Variants in NETO1 observed in about 807,000 individuals in gnomAD.
NETO1 encodes the protein neuropilin and tolloid-like protein 1.
Under a neutral mutation model 61.3 loss-of-function variants are expected in NETO1, and 26 were observed. The observed-to-expected ratio is 0.42, with a 90% CI of 0.31 to 0.59. The LOEUF (loss-of-function observed/expected upper bound fraction) is 0.59, where lower values mean the gene tolerates loss of function less well. Among genes scored for constraint, NETO1 ranks in the 20% least tolerant of loss-of-function variants. The pLI is 0.12. For missense variants in NETO1, 531 were observed against 662.8 expected, an observed-to-expected ratio of 0.80 and a Z score of 2.18; for synonymous variants, 225 against 225.8, an observed-to-expected ratio of 1.00 and a Z score of 0.03.
At chr18:72,798,862 T>C (rs1402226416) in intron 4 of NETO1, among the ~76,000 whole-genome samples, 1 of 152,200 alleles carries the variant, frequency 6.6e-6, no homozygotes, top group Non-Finnish European at 1.5e-5. Context: ...ATAGTTCACA[T>C]TCTCCAAGAC....
At position 72,747,312 on chromosome 18, in the gene NETO1, A is replaced by G. The variant is rs1410304004; in HGVS notation, c.*867T>C. 3 of 152,094 alleles carry G rather than the reference A, an allele frequency of 2.0e-5. No homozygotes were observed. The highest frequency in any genetic ancestry group is 2.9e-5 in the Non-Finnish European group (2 of 67,966). The allele number at this position is 152,094 out of a possible 1,614,324, so 9.4% of individuals were successfully genotyped here. On this transcript the variant is annotated 3_prime_UTR_variant, in exon 11 of 11. Coordinates refer to ENST00000327305, the MANE Select transcript of NETO1 (RefSeq NM_138966.5). ...CATAAAGAAATGGAAGAGTAACAAC[A>G]GTATTTGACAATGCATGCTTTTCAC...
chr18:72,743,014 A>G (rs754954325), downstream of NETO1, among the ~76,000 whole-genome samples: 8 of 152,090 alleles, frequency 5.3e-5, no homozygotes, highest in Non-Finnish European at 1.0e-4. Context: ...CACTGTTTTG[A>G]TTCTACTGTA....
chr18:72,846,033 G>A (rs943046576), intron 4 of NETO1, among the ~76,000 whole-genome samples: 6 of 151,942 alleles, frequency 3.9e-5, no homozygotes, highest in African/African-American at 7.3e-5. Context: ...TATCTCCTAC[G>A]CTGAAGGCTC....
At chr18:72,767,266 T>G (rs780139790) in intron 7 of NETO1, among the ~76,000 whole-genome samples, 5 of 152,202 alleles carry the variant, frequency 3.3e-5, no homozygotes, top group African/African-American at 4.8e-5. Flanking sequence ...ACATATGCTG[T>G]GTATTTTCAG....
At chr18:72,763,138 T>TA (rs1302245893) in intron 7 of NETO1, among the ~76,000 whole-genome samples, 1 of 152,040 alleles carries the variant, frequency 6.6e-6, no homozygotes, top group East Asian at 1.9e-4. Flanking sequence ...TTTCGTTTTT[T>TA]TTTTTGAAAT....
In NETO1 at chr18:72,749,086, A is replaced by T. The variant is rs1323982084; in HGVS notation, c.1544T>A (p.Phe515Tyr). The T allele has an allele frequency of 5.0e-6, 8 of 1,588,836 alleles. No homozygotes were observed. The highest frequency in any genetic ancestry group is 6.9e-6 in the Non-Finnish European group (8 of 1,157,364). Residue 515 changes from phenylalanine (F) to tyrosine (Y), a missense_variant and splice_region_variant, in exon 10 of 11, where the codon TTC becomes TAC. Physicochemically the swap from Phe to Tyr is conservative, Grantham distance 22. Coordinates refer to ENST00000327305, the MANE Select transcript of NETO1 (RefSeq NM_138966.5). ...TTTGCTTAGAGACCCAATGAGGCAG[A>T]ACCTGGAATGTTATGGCTATTTCAT... is the stretch of plus-strand genomic sequence containing the variant. Reference protein sequence around the residue: ...LSRHDKAVQRFCLIGSLSKHE... With the variant: ...LSRHDKAVQRYCLIGSLSKHE...
At chr18:72,844,681 G>A (rs2074032155) in intron 4 of NETO1, among the ~76,000 whole-genome samples, 1 of 152,188 alleles carries the variant, frequency 6.6e-6, no homozygotes, top group African/African-American at 2.4e-5. Context: ...CATTTAGATA[G>A]TCATTCAGGT....
intron 3 of NETO1, among the ~76,000 whole-genome samples, chr18:72,861,903 A>G (rs1161385937): frequency 6.6e-6 from 1 of 152,196 alleles, no homozygotes; most frequent in Admixed American, 6.5e-5. Flanking sequence ...TAATTGCTTC[A>G]TGTAACAGAT....
Position 72,786,573 on chromosome 18 carries a change from C to CAT in NETO1, c.640-2669_640-2668dup, listed in dbSNP as rs538129645. ...GCCATTGCTACAGCCTTATGAGAGA[C>CAT]ATATGCCCCAACGAGGCCTTCATTT... On this transcript the variant is annotated intron_variant, in intron 6 of 10. Coordinates refer to ENST00000327305, the MANE Select transcript of NETO1 (RefSeq NM_138966.5). 9.4e-3 allele frequency among the ~76,000 whole-genome samples: 1,428 copies of CAT among 152,276 alleles called. 32 individuals carry two copies. Among genetic ancestry groups the CAT allele is most frequent in the African/African-American group, 0.032 (1,348 of 41,564 alleles).
At chr18:72,782,828 T>C (rs1386197368) in intron 7 of NETO1, among the ~76,000 whole-genome samples, 1 of 151,972 alleles carries the variant, frequency 6.6e-6, no homozygotes, top group East Asian at 1.9e-4. Flanking sequence ...AATAAATACA[T>C]AAATAAAATA....
At chr18:72,743,003 A>G (rs1008178638), downstream of NETO1, among the ~76,000 whole-genome samples, 1 of 152,168 alleles carries the variant, frequency 6.6e-6, no homozygotes, top group Non-Finnish European at 1.5e-5. Flanking sequence ...TCTTGTTTCT[A>G]CACTGTTTTG....
intron 4 of NETO1, among the ~76,000 whole-genome samples, chr18:72,854,457 C>T (rs1020032232): frequency 1.3e-5 from 2 of 152,262 alleles, no homozygotes; most frequent in African/African-American, 4.8e-5. Context: ...AAAATCTCCC[C>T]ACAAGGAAGT....
chr18:72,853,990 T>C (rs2074338434), intron 4 of NETO1, among the ~76,000 whole-genome samples: 2 of 152,122 alleles, frequency 1.3e-5, no homozygotes, highest in Non-Finnish European at 2.9e-5. Context: ...AGGAAAAATA[T>C]TGCACCGAAT....
At chr18:72,766,028 G>T (rs2071142172) in intron 7 of NETO1, among the ~76,000 whole-genome samples, 1 of 152,072 alleles carries the variant, frequency 6.6e-6, no homozygotes, top group Admixed American at 6.5e-5. Flanking sequence ...TCAACATGGT[G>T]AGAACTCATC....
chr18:72,779,920 T>C (rs2071681406), intron 7 of NETO1, among the ~76,000 whole-genome samples: 1 of 152,114 alleles, frequency 6.6e-6, no homozygotes, highest in Non-Finnish European at 1.5e-5. Context: ...CATCTCCTGG[T>C]TCACGGATGA....
chr18:72,772,793 TTCTCTCTC>T (rs71166423), intron 7 of NETO1, among the ~76,000 whole-genome samples: 33 of 58,952 alleles, frequency 5.6e-4, no homozygotes, highest in Middle Eastern at 0.011. Context: ...CTCTATATAG[TTCTCTCTC>T]TCTCTCTCTC....
intron 4 of NETO1, among the ~76,000 whole-genome samples, chr18:72,832,111 C>A (rs188810428): frequency 1.3e-5 from 2 of 152,194 alleles, no homozygotes; most frequent in East Asian, 3.9e-4. Flanking sequence ...GTGCTTAGCA[C>A]ATTAGTAAAT....
intron 7 of NETO1, among the ~76,000 whole-genome samples, chr18:72,774,810 C>T (rs1378851027): frequency 1.3e-5 from 2 of 152,096 alleles, no homozygotes; most frequent in Non-Finnish European, 2.9e-5. Flanking sequence ...TTTTGGATTA[C>T]TCATGCATGT....
chr18:72,836,647 T>C (rs2073758635), intron 4 of NETO1, among the ~76,000 whole-genome samples: 1 of 152,090 alleles, frequency 6.6e-6, no homozygotes. Context: ...ATATTGCAAA[T>C]CGTTTTGCAT....
Sources: gnomAD v4.1 joint callset for allele counts (sites outside exome capture counted in the v4.1 genomes callset) on GRCh38, gnomAD v4.1.1 for gene constraint, MANE v1.5 for transcripts, NCBI Gene and HGNC (gene_info 2026-07-23, HGNC 2026-07-21) for gene names.